HIP1: variants seen among roughly 807,000 people sequenced by gnomAD.
The protein encoded by HIP1 is huntingtin-interacting protein 1.
HIP1 carries 65 observed loss-of-function variants against 147.6 expected under a neutral mutation model. The observed-to-expected ratio is 0.44, with a 90% CI of 0.36 to 0.54. The LOEUF (loss-of-function observed/expected upper bound fraction) is 0.54, where lower values mean the gene tolerates loss of function less well. Among genes scored for constraint, HIP1 ranks in the 20% least tolerant of loss-of-function variants. The pLI is 0.00. For synonymous variants in HIP1, 479 were observed against 504.0 expected (o/e 0.95, Z 0.67); for missense variants, 1,061 against 1,299.6 (o/e 0.82, Z 2.82).
At chr7:75,566,858 G>T (rs914454063) in intron 9 of HIP1, among the ~76,000 whole-genome samples, 5 of 151,354 alleles carry the variant, frequency 3.3e-5, no homozygotes, top group Middle Eastern at 3.4e-3. Flanking sequence ...ACAGTGACTC[G>T]CGCCGGTAAT....
intron 2 of HIP1, among the ~76,000 whole-genome samples, chr7:75,595,509 A>G (rs1796710421): frequency 2.0e-5 from 3 of 151,514 alleles, no homozygotes; most frequent in Non-Finnish European, 4.4e-5. Context: ...TGCCCGGCTA[A>G]TTTTTGTTTT....
At chr7:75,614,709 A>G (rs1797577517) in intron 1 of HIP1, among the ~76,000 whole-genome samples, 2 of 152,096 alleles carry the variant, frequency 1.3e-5, no homozygotes, top group Admixed American at 6.6e-5. Flanking sequence ...TTGTTACAAT[A>G]GCGAATTTCA....
chr7:75,580,083 T>G (rs1463791332), intron 7 of HIP1, among the ~76,000 whole-genome samples: 1 of 152,198 alleles, frequency 6.6e-6, no homozygotes, highest in Non-Finnish European at 1.5e-5. Flanking sequence ...GGCAGGAGCC[T>G]GGAAGTGTGG....
At chr7:75,571,546 G>A (rs587605997) in intron 8 of HIP1, among the ~76,000 whole-genome samples, 13 of 152,094 alleles carry the variant, frequency 8.5e-5, no homozygotes, top group African/African-American at 2.4e-4. Context: ...GTCAATAACC[G>A]CAGTTACAGA....
intron 1 of HIP1, among the ~76,000 whole-genome samples, chr7:75,732,214 C>T (rs1801857783): frequency 6.6e-6 from 1 of 152,116 alleles, no homozygotes; most frequent in South Asian, 2.1e-4. Context: ...ATATAAATCA[C>T]CCAGCATGTT....
rs531995100 is a variant in HIP1 at position 75,661,049 on chromosome 7, C to T, written c.121-61802G>A. On this transcript the variant is annotated intron_variant, in intron 1 of 30. Coordinates refer to ENST00000336926, the MANE Select transcript of HIP1 (RefSeq NM_005338.7). ...ATGCTAACACTTTGGAAGGCCGAGG[C>T]GGGAGGATCACTTGAGCCCAGGAGT... Among the ~76,000 whole-genome samples, 21 of 152,040 alleles carry T rather than the reference C, an allele frequency of 1.4e-4. No individual in the cohort carries two copies. In the East Asian group the frequency reaches 3.3e-3, roughly 24 times the overall value.
intron 1 of HIP1, chr7:75,639,077 C>G (rs1055420308): frequency 6.1e-6 from 6 of 984,848 alleles, no homozygotes; most frequent in Non-Finnish European, 7.2e-6. Flanking sequence ...ATGACCGAGG[C>G]TGCGGGGCAC....
intron 26 of HIP1, 52 bp downstream of exon 26, chr7:75,545,036 G>T: frequency 9.3e-7 from 1 of 1,076,668 alleles, no homozygotes; most frequent in East Asian, 2.4e-5. Flanking sequence ...GTTTGGAGTG[G>T]ATCAATGGAA....
At chr7:75,609,981 C>A (rs1488988329) in intron 1 of HIP1, among the ~76,000 whole-genome samples, 8 of 148,070 alleles carry the variant, frequency 5.4e-5, no homozygotes, top group African/African-American at 1.5e-4. Context: ...TGATTCATTG[C>A]AACCTCTGCT....
At chr7:75,669,637 C>T (rs1366195991) in intron 1 of HIP1, among the ~76,000 whole-genome samples, 1 of 152,126 alleles carries the variant, frequency 6.6e-6, no homozygotes, top group East Asian at 1.9e-4. Flanking sequence ...TCCCCCAACC[C>T]CCGGCAAGTG....
intron 1 of HIP1, among the ~76,000 whole-genome samples, chr7:75,650,779 G>A (rs1160562422): frequency 3.9e-5 from 6 of 152,168 alleles, no homozygotes; most frequent in Non-Finnish European, 7.3e-5. Flanking sequence ...ACCAGGCTGA[G>A]GGCAGGAAGT....
At chr7:75,557,569 C>T in intron 16 of HIP1, 85 bp downstream of exon 16, 1 of 956,932 alleles carries the variant, frequency 1.0e-6, no homozygotes, top group East Asian at 2.4e-5. Context: ...CACAGAACTG[C>T]CCATGGAGCA....
chr7:75,547,122 A>T lies in HIP1; in HGVS notation c.2466-90T>A, dbSNP rs587708452. ...CTCTTCCCCACTCCTAGCCAAAGGC[A>T]AGCTTGGAATGGGAAAGGGAGGTAA... On this transcript the variant is annotated intron_variant, in intron 24 of 30. Transcript: ENST00000336926. 31 of 1,106,472 alleles carry T rather than the reference A, an allele frequency of 2.8e-5. No homozygotes were observed. The Admixed American group carries it at 4.9e-4, about 17-fold the overall frequency. 68.5% of individuals were successfully genotyped at this position (1,106,472 alleles called of 1,614,324 possible).
chr7:75,592,518 AG>A lies in HIP1; in HGVS notation c.185-5del, dbSNP rs781801385. On this transcript the variant is annotated splice_region_variant and splice_polypyrimidine_tract_variant and intron_variant, in intron 2 of 30. Transcript: ENST00000336926. ...TGGTGGGTGCCCAGTATGCACGGTG[AG>A]GGGGGGTTATGGAAAACAACGGATG... The A allele has an allele frequency of 9.9e-6, 16 of 1,608,162 alleles. No homozygotes were observed. The Admixed American group carries it at 1.0e-4, about 11-fold the overall frequency.
At chr7:75,617,222 C>A (rs1315857984) in intron 1 of HIP1, among the ~76,000 whole-genome samples, 2 of 151,936 alleles carry the variant, frequency 1.3e-5, no homozygotes, top group Non-Finnish European at 2.9e-5. Context: ...TTACAGGCAC[C>A]CACCATCACT....
intron 22 of HIP1, among the ~76,000 whole-genome samples, chr7:75,550,766 T>G (rs1794752739): frequency 6.6e-6 from 1 of 152,190 alleles, no homozygotes; most frequent in African/African-American, 2.4e-5. Flanking sequence ...CTATTAAGTT[T>G]GAATGTTTGA....
rs534234853 is a variant in HIP1, at chr7:75,683,337, C to T, written c.120+55464G>A. On this transcript the variant is annotated intron_variant, in intron 1 of 30. Transcript: ENST00000336926. ...GCTGGTTGGGGGCACTGGATGGGGG[C>T]TTTTTGACCAAATGAGCTGTAATGG... 2.0e-5 allele frequency among the ~76,000 whole-genome samples: 3 copies of T among 152,200 alleles called. No individual in the cohort carries two copies. In the South Asian group the frequency reaches 6.2e-4, roughly 32 times the overall value.
At chr7:75,662,150 G>A (rs1383575514) in intron 1 of HIP1, among the ~76,000 whole-genome samples, 1 of 151,812 alleles carries the variant, frequency 6.6e-6, no homozygotes, top group Non-Finnish European at 1.5e-5. Context: ...AGATGATGAG[G>A]AGGCTCACAC....
At chr7:75,563,706 T>G (rs782438747) in intron 9 of HIP1, among the ~76,000 whole-genome samples, 1 of 152,220 alleles carries the variant, frequency 6.6e-6, no homozygotes. Flanking sequence ...GTTTTTGGAC[T>G]ATTTGTTCTC....
Sources: allele counts gnomAD v4.1 joint callset (sites outside exome capture counted in the v4.1 genomes callset), GRCh38; gene constraint gnomAD v4.1.1; transcripts MANE v1.5; gene names NCBI Gene and HGNC (gene_info 2026-07-23, HGNC 2026-07-21).